RBMS3: variants seen among roughly 807,000 people sequenced by gnomAD.
RBMS3 encodes the protein RNA-binding motif, single-stranded-interacting protein 3.
Under a neutral mutation model 66.8 loss-of-function variants are expected in RBMS3, and 27 were observed. The observed-to-expected ratio is 0.40, with a 90% CI of 0.30 to 0.56. RBMS3 has a LOEUF of 0.56. Ranked by LOEUF, RBMS3 falls within the 20% of genes least tolerant of loss-of-function variation. The probability of loss-of-function intolerance (pLI) is 0.40; values close to 1 mark genes in which losing one functional copy is unlikely to be tolerated. For missense variants in RBMS3, 513 were observed against 549.5 expected (o/e 0.93, Z 0.66); for synonymous variants, 188 against 183.0 (o/e 1.03, Z -0.22).
intron 4 of RBMS3, among the ~76,000 whole-genome samples, chr3:29,631,461 C>G (rs1457643): frequency 0.32 from 48,383 of 151,446 alleles, 8,256 homozygotes; most frequent in African/African-American, 0.44. Flanking sequence ...GGAAATAAGG[C>G]GTTCAAATTT....
intron 14 of RBMS3, among the ~76,000 whole-genome samples, chr3:29,992,704 G>A (rs1387296158): frequency 6.6e-6 from 1 of 152,126 alleles, no homozygotes; most frequent in African/African-American, 2.4e-5. Context: ...TAGCCAACAA[G>A]CCGAGTGAGG....
intron 6 of RBMS3, among the ~76,000 whole-genome samples, chr3:29,801,426 C>A (rs993287425): frequency 3.9e-5 from 6 of 151,902 alleles, no homozygotes; most frequent in Admixed American, 3.9e-4. Context: ...CACCACCACA[C>A]CTAACTAATT....
intron 6 of RBMS3, among the ~76,000 whole-genome samples, chr3:29,849,170 ATGTGTG>A (rs10571760): frequency 0.011 from 1,545 of 141,722 alleles, 11 homozygotes; most frequent in East Asian, 0.032. Flanking sequence ...CACCAAAGGA[ATGTGTG>A]TGTGTGTGTG....
chr3:29,452,326 G>A (rs9878077), intron 2 of RBMS3, among the ~76,000 whole-genome samples: 61,509 of 151,846 alleles, frequency 0.41, 12,748 homozygotes, highest in East Asian at 0.63. Flanking sequence ...ATCAATGGAA[G>A]CAAAAATGAG....
intron 4 of RBMS3, among the ~76,000 whole-genome samples, chr3:29,692,349 G>A (rs1029618164): frequency 2.6e-5 from 4 of 151,996 alleles, no homozygotes; most frequent in Non-Finnish European, 4.4e-5. Context: ...ATTTAACCAA[G>A]CTTGCTAAGA....
At chr3:29,461,422 C>G (rs866456496) in intron 2 of RBMS3, among the ~76,000 whole-genome samples, 5 of 152,214 alleles carry the variant, frequency 3.3e-5, no homozygotes, top group African/African-American at 1.2e-4. Flanking sequence ...CTCCAGGACT[C>G]TTCTGTTGTT....
intron 10 of RBMS3, among the ~76,000 whole-genome samples, chr3:29,914,044 A>G (rs1489709310): frequency 6.6e-6 from 1 of 151,938 alleles, no homozygotes; most frequent in Non-Finnish European, 1.5e-5. Flanking sequence ...CTGAAAGCTG[A>G]CCTCCATTAT....
At chr3:29,630,814 GT>G (rs2049257018) in intron 4 of RBMS3, among the ~76,000 whole-genome samples, 1 of 151,934 alleles carries the variant, frequency 6.6e-6, no homozygotes, top group African/African-American at 2.4e-5. Context: ...AAATGTTTAA[GT>G]TGGTCAAACA....
chr3:29,489,635 G>A (rs143658191), intron 3 of RBMS3, among the ~76,000 whole-genome samples: 5 of 151,206 alleles, frequency 3.3e-5, no homozygotes, highest in African/African-American at 1.2e-4. Context: ...ATTTCTTTTT[G>A]GGAAATGAAG....
chr3:29,963,925 C>G (rs1458360361), intron 12 of RBMS3, among the ~76,000 whole-genome samples: 4 of 151,944 alleles, frequency 2.6e-5, no homozygotes, highest in Admixed American at 2.6e-4. Flanking sequence ...TAACTCACAC[C>G]TCCAAGAAAA....
intron 4 of RBMS3, among the ~76,000 whole-genome samples, chr3:29,681,158 G>T (rs2051473489): frequency 6.6e-6 from 1 of 152,024 alleles, no homozygotes; most frequent in Non-Finnish European, 1.5e-5. Context: ...CAGCCTACTT[G>T]TTGGCCTATA....
intron 12 of RBMS3, among the ~76,000 whole-genome samples, chr3:29,981,389 A>T (rs578208387): frequency 1.3e-5 from 2 of 152,258 alleles, no homozygotes; most frequent in African/African-American, 4.8e-5. Context: ...AGACAATTGG[A>T]CTTCCTCTCT....
rs1333323602 is a variant in RBMS3, at chr3:30,010,061, TATTC to T, written c.*6201_*6204del. Reference sequence around the variant, plus strand: ...ATATGTAGTAGTATCTGCTATGAGATATTCAGTCTCTATAAAAAAAAAAAGGGAC... The same window carrying T: ...ATATGTAGTAGTATCTGCTATGAGATAGTCTCTATAAAAAAAAAAAGGGAC... On this transcript the variant is annotated 3_prime_UTR_variant, in exon 15 of 15. Transcript: ENST00000383767. 2 of 148,342 alleles carry T rather than the reference TATTC, an allele frequency of 1.3e-5. No individual in the cohort carries two copies. The highest frequency in any genetic ancestry group is 5.2e-5 in the African/African-American group (2 of 38,330). 9.2% of individuals were successfully genotyped at this position (148,342 alleles called of 1,614,324 possible). A position where few individuals can be genotyped will look rare whatever the true frequency, so the allele number is the denominator to read the frequency against.
intron 4 of RBMS3, among the ~76,000 whole-genome samples, chr3:29,706,412 A>T (rs1409119039): frequency 6.6e-6 from 1 of 152,180 alleles, no homozygotes; most frequent in East Asian, 1.9e-4. Flanking sequence ...AGTGACACAT[A>T]ATCAAGACTT....
In RBMS3 at chr3:29,671,747, G is replaced by T. The variant is rs528647504; in HGVS notation, c.400-67973G>T. Among the ~76,000 whole-genome samples, 4 of 152,248 alleles carry T rather than the reference G, an allele frequency of 2.6e-5. No homozygotes were observed. In the South Asian group the frequency reaches 8.3e-4, roughly 32 times the overall value. On this transcript the variant is annotated intron_variant, in intron 4 of 14. Coordinates refer to ENST00000383767, the MANE Select transcript of RBMS3 (RefSeq NM_001003793.3). ...AAGTTTAGAGAAAAAAGAGTAAAAA[G>T]CAACAAACAAAGCCTCCAAGAAATA...
At chr3:29,962,799 G>T (rs1298527350) in intron 12 of RBMS3, among the ~76,000 whole-genome samples, 2 of 151,848 alleles carry the variant, frequency 1.3e-5, no homozygotes, top group Admixed American at 1.3e-4. Context: ...CTCAACTGAG[G>T]CCCAAATGTC....
intron 6 of RBMS3, among the ~76,000 whole-genome samples, chr3:29,846,304 T>C (rs2058774373): frequency 6.6e-6 from 1 of 152,108 alleles, no homozygotes; most frequent in East Asian, 1.9e-4. Flanking sequence ...AGATTTGGGA[T>C]ATATTTTGAA....
At chr3:29,330,349 C>T (rs552982353) in intron 1 of RBMS3, among the ~76,000 whole-genome samples, 4 of 152,116 alleles carry the variant, frequency 2.6e-5, no homozygotes, top group Non-Finnish European at 5.9e-5. Flanking sequence ...CACTCAATAG[C>T]TTCTGCATTC....
chr3:29,284,362 G>A (rs879791893), intron 1 of RBMS3, among the ~76,000 whole-genome samples: 2 of 152,024 alleles, frequency 1.3e-5, no homozygotes, highest in Non-Finnish European at 2.9e-5. Context: ...ACTATCATTA[G>A]TTTTTTGGGG....
Sources: allele counts gnomAD v4.1 joint callset (sites outside exome capture counted in the v4.1 genomes callset), GRCh38; gene constraint gnomAD v4.1.1; transcripts MANE v1.5; gene names NCBI Gene and HGNC (gene_info 2026-07-23, HGNC 2026-07-21).